Variants in LRIT3 observed in about 807,000 individuals in gnomAD.
LRIT3 encodes leucine-rich repeat, immunoglobulin-like domain and transmembrane domain-containing protein 3.
Under a neutral mutation model 22.6 loss-of-function variants are expected in LRIT3, and 14 were observed. The observed-to-expected ratio is 0.62, with a 90% CI of 0.41 to 0.97. LRIT3 has a LOEUF of 0.97. Ranked by LOEUF, LRIT3 falls within the 50% of genes least tolerant of loss-of-function variation. The pLI, the probability that LRIT3 is intolerant of heterozygous loss-of-function variation, is 0.00. For synonymous variants in LRIT3, 306 were observed against 304.5 expected (o/e 1.01, Z -0.05); for missense variants, 783 against 803.0 (o/e 0.98, Z 0.30).
At chr4:109,850,405 TCCTTC>T (rs1560588827) in intron 1 of LRIT3, among the ~76,000 whole-genome samples, 19 of 4,200 alleles carry the variant, frequency 4.5e-3, no homozygotes, top group South Asian at 0.017. Context: ...CTTCCTTCCT[TCCTTC>T]CTTCCTTCCT....
At chr4:109,857,229 G>A (rs1272259243) in intron 2 of LRIT3, among the ~76,000 whole-genome samples, 1 of 149,400 alleles carries the variant, frequency 6.7e-6, no homozygotes, top group Non-Finnish European at 1.5e-5. Flanking sequence ...ACTCCATATA[G>A]ATAGTATATA....
chr4:109,855,973 A>G lies in LRIT3; in HGVS notation c.589+3997A>G, dbSNP rs570880121. 2.0e-5 allele frequency among the ~76,000 whole-genome samples: 3 copies of G among 152,260 alleles called. No homozygotes were observed. The East Asian group carries it at 5.8e-4, about 29-fold the overall frequency. On this transcript the variant is annotated intron_variant, in intron 2 of 3. Transcript: ENST00000594814. Reference sequence around the variant, plus strand: ...GCAAGATGAGGGCGTTTATAGCCCTATCTTATCCATATGAACAGGCACCCC... The same window carrying G: ...GCAAGATGAGGGCGTTTATAGCCCTGTCTTATCCATATGAACAGGCACCCC...
At position 109,869,942 on chromosome 4, in the gene LRIT3, C is replaced by T; in HGVS notation, c.1193C>T (p.Ser398Phe). 2 of 1,614,142 alleles carry T rather than the reference C, an allele frequency of 1.2e-6. No individual in the cohort carries two copies. The highest frequency in any genetic ancestry group is 1.7e-6 in the Non-Finnish European group (2 of 1,180,006). The change falls in exon 4 of 4, where the codon TCT becomes TTT. Residue 398 changes from serine (S) to phenylalanine (F), a missense_variant. Ser to Phe is a radical substitution (Grantham distance 155). Coordinates refer to ENST00000594814, the MANE Select transcript of LRIT3 (RefSeq NM_198506.5). ...TCCTTCTCCCCCACATCTTCTTTTT[C>T]TGCTTCTACTTTGTCTCCTCCCTCT... ...SSSFSPTSSF[S>F]ASTLSPPSTA...
intron 2 of LRIT3, among the ~76,000 whole-genome samples, chr4:109,855,546 C>A (rs1456347049): frequency 6.6e-6 from 1 of 152,174 alleles, no homozygotes; most frequent in African/African-American, 2.4e-5. Context: ...TCCTTCAGTT[C>A]TGCTCTGATC....
chr4:109,858,867 T>A (rs1275154372), intron 2 of LRIT3, among the ~76,000 whole-genome samples: 1 of 152,122 alleles, frequency 6.6e-6, no homozygotes, highest in Non-Finnish European at 1.5e-5. Context: ...ATCAAGAAAA[T>A]TTTTAAAAGC....
intron 3 of LRIT3, among the ~76,000 whole-genome samples, chr4:109,868,654 C>T (rs1467972568): frequency 6.6e-6 from 1 of 150,382 alleles, no homozygotes; most frequent in Non-Finnish European, 1.5e-5. Flanking sequence ...TATTATGAAT[C>T]AAAAAGTATA....
Position 109,869,565 on chromosome 4 carries a change from T to C in LRIT3, c.896-80T>C, listed in dbSNP as rs1246697569. ...TGTGAGAGGATGCATGTAGAGTGGA[T>C]AGTTGTTTCCTCCTCAGTTGGCATG... On this transcript the variant is annotated intron_variant, in intron 3 of 3. Transcript: ENST00000594814. 6 of 1,341,694 alleles carry C rather than the reference T, an allele frequency of 4.5e-6. No individual in the cohort carries two copies. The East Asian group carries it at 9.3e-5, about 21-fold the overall frequency. 83.1% of individuals were successfully genotyped at this position (1,341,694 alleles called of 1,614,324 possible).
chr4:109,860,897 A>C (rs1312720559), intron 2 of LRIT3, among the ~76,000 whole-genome samples: 8 of 152,232 alleles, frequency 5.3e-5, no homozygotes, highest in Admixed American at 5.2e-4. Context: ...ATTGTATTCA[A>C]TTGTATGAAT....
intron 2 of LRIT3, among the ~76,000 whole-genome samples, chr4:109,865,459 C>A (rs1361097844): frequency 6.6e-6 from 1 of 152,104 alleles, no homozygotes; most frequent in Non-Finnish European, 1.5e-5. Flanking sequence ...TGGTATCTAT[C>A]AGATCATATC....
At chr4:109,861,462 A>T (rs1734544581) in intron 2 of LRIT3, among the ~76,000 whole-genome samples, 1 of 151,562 alleles carries the variant, frequency 6.6e-6, no homozygotes, top group Non-Finnish European at 1.5e-5. Context: ...TGGTTGCTCC[A>T]TATCCTCACC....
chr4:109,863,601 G>A (rs1734601807), intron 2 of LRIT3, among the ~76,000 whole-genome samples: 1 of 152,114 alleles, frequency 6.6e-6, no homozygotes, highest in African/African-American at 2.4e-5. Flanking sequence ...CAGCTTTGGA[G>A]GTAGAAATAT....
chr4:109,859,789 AG>A (rs1339849984), intron 2 of LRIT3, among the ~76,000 whole-genome samples: 2 of 152,192 alleles, frequency 1.3e-5, no homozygotes, highest in South Asian at 2.1e-4. Context: ...GGCTCTCTGC[AG>A]GGGGAAGCAC....
chr4:109,852,159 C>T (rs560278099), intron 2 of LRIT3, among the ~76,000 whole-genome samples, 183 bp downstream of exon 2: 29 of 152,050 alleles, frequency 1.9e-4, no homozygotes, highest in African/African-American at 6.5e-4. Flanking sequence ...GGTGTAAGAG[C>T]TGTGTGTGTG....
rs1262439885 is a variant in LRIT3 at position 109,870,665 on chromosome 4, T to C, written c.1916T>C (p.Val639Ala). 3 of 1,614,116 alleles carry C rather than the reference T, an allele frequency of 1.9e-6. No individual in the cohort carries two copies. Among genetic ancestry groups the C allele is most frequent in the Non-Finnish European group, 2.5e-6 (3 of 1,180,010 alleles). The change falls in exon 4 of 4, where the codon GTA (valine) becomes GCA (alanine). Residue 639 changes from valine to alanine, a missense_variant. Coordinates refer to ENST00000594814, the MANE Select transcript of LRIT3 (RefSeq NM_198506.5). ...ACCCTGTTTCCCAGGTCTCAAAGTG[T>C]AGGTGAGCTCTGGACACGAAGCCAC... is the stretch of plus-strand genomic sequence containing the variant. ...FETLFPRSQSVGELWTRSHRD... is the reference protein window; with the variant it reads ...FETLFPRSQSAGELWTRSHRD...
intron 2 of LRIT3, among the ~76,000 whole-genome samples, chr4:109,860,304 G>T (rs1242943728): frequency 6.6e-6 from 1 of 152,120 alleles, no homozygotes; most frequent in Non-Finnish European, 1.5e-5. Flanking sequence ...TTTGCCTGAA[G>T]GATGGTGGCA....
intron 1 of LRIT3, among the ~76,000 whole-genome samples, chr4:109,849,769 T>G (rs143540301): frequency 0.014 from 2,176 of 152,126 alleles, 66 homozygotes; most frequent in African/African-American, 0.049. Context: ...TGTGCCACCA[T>G]GCCCAGCTAG....
intron 2 of LRIT3, among the ~76,000 whole-genome samples, chr4:109,856,105 C>T (rs2125898434): frequency 6.6e-6 from 1 of 152,272 alleles, no homozygotes; most frequent in Non-Finnish European, 1.5e-5. Context: ...ACCTCCCTGA[C>T]TGCACATCCA....
At position 109,867,844 on chromosome 4, in the gene LRIT3, T is replaced by C. The variant is rs1734723194; in HGVS notation, c.793T>C (p.Ser265Pro). 6.2e-7 allele frequency: 1 copy of C among 1,614,188 alleles called. No individual in the cohort carries two copies. Among genetic ancestry groups the C allele is most frequent in the Non-Finnish European group, 8.5e-7 (1 of 1,180,022 alleles). ...GATGACCTCAGCCACCAAAATCATGTCTGCTCTGGGCAGTAATGTTCTACT... is the reference window on the plus strand; with the variant it reads ...GATGACCTCAGCCACCAAAATCATGCCTGCTCTGGGCAGTAATGTTCTACT... The part of the protein sequence containing the change: ...SVMTSATKIM[S>P]ALGSNVLLRC... Residue 265 changes from serine (S) to proline (P), a missense_variant, in exon 3 of 4, where the codon TCT (serine) becomes CCT (proline). Coordinates refer to ENST00000594814, the MANE Select transcript of LRIT3 (RefSeq NM_198506.5).
intron 2 of LRIT3, among the ~76,000 whole-genome samples, chr4:109,855,854 G>A (rs1374933231): frequency 6.6e-6 from 1 of 152,180 alleles, no homozygotes; most frequent in East Asian, 1.9e-4. Context: ...GTGGTTTTGA[G>A]TGAGTTTCTT....
Sources: gnomAD v4.1 joint callset for allele counts (sites outside exome capture counted in the v4.1 genomes callset) on GRCh38, gnomAD v4.1.1 for gene constraint, MANE v1.5 for transcripts, NCBI Gene and HGNC (gene_info 2026-07-23, HGNC 2026-07-21) for gene names.